The following ADAMTSL1 variants were observed in gnomAD, a reference collection of about 807,000 sequenced individuals.
The protein encoded by ADAMTSL1 is ADAMTS like 1.
ADAMTSL1 carries 126 observed loss-of-function variants against 201.8 expected under a neutral mutation model. The observed-to-expected ratio is 0.62, with a 90% confidence interval of 0.54 to 0.72. The LOEUF is 0.72. Ranked by LOEUF, ADAMTSL1 falls within the 30% of genes least tolerant of loss-of-function variation. The pLI, the probability that ADAMTSL1 is intolerant of heterozygous loss-of-function variation, is 0.00. For missense variants in ADAMTSL1, 2,679 were observed against 2,277.8 expected, an observed-to-expected ratio of 1.18 and a Z score of -3.59; for synonymous variants, 1,121 against 903.4, an observed-to-expected ratio of 1.24 and a Z score of -4.32.
chr9:18,793,652 A>T (rs1822189105), intron 19 of ADAMTSL1, among the ~76,000 whole-genome samples: 1 of 152,218 alleles, frequency 6.6e-6, no homozygotes, highest in Non-Finnish European at 1.5e-5. Context: ...TTAAAAAATC[A>T]CAAAGCTAGA....
intron 23 of ADAMTSL1, among the ~76,000 whole-genome samples, chr9:18,882,488 G>A (rs112073561): frequency 0.026 from 3,884 of 152,236 alleles, 116 homozygotes; most frequent in South Asian, 0.13. Context: ...AAAATGGAAC[G>A]AGCATTTTAC....
intron 2 of ADAMTSL1, among the ~76,000 whole-genome samples, chr9:18,377,902 C>T (rs1293026184): frequency 6.6e-6 from 1 of 151,930 alleles, no homozygotes; most frequent in African/African-American, 2.4e-5. Context: ...TTTGGAAAGG[C>T]CTAGTGGACA....
intron 1 of ADAMTSL1, among the ~76,000 whole-genome samples, chr9:18,054,884 C>T (rs1346764357): frequency 2.6e-5 from 4 of 152,168 alleles, no homozygotes; most frequent in East Asian, 1.9e-4. Context: ...CCCCTGCCCC[C>T]GCAATCTTTT....
At chr9:18,292,414 C>T (rs1282113195) in intron 2 of ADAMTSL1, among the ~76,000 whole-genome samples, 1 of 152,040 alleles carries the variant, frequency 6.6e-6, no homozygotes, top group Non-Finnish European at 1.5e-5. Flanking sequence ...GTGTTAGGGC[C>T]TGTGATGATT....
intron 2 of ADAMTSL1, among the ~76,000 whole-genome samples, chr9:18,250,799 A>G (rs542415336): frequency 6.6e-6 from 1 of 152,284 alleles, no homozygotes; most frequent in South Asian, 2.1e-4. Context: ...CTCATTCCTG[A>G]ATGAATTCCT....
intron 2 of ADAMTSL1, among the ~76,000 whole-genome samples, chr9:18,191,445 ACTTT>A (rs1274523490): frequency 6.6e-6 from 1 of 152,146 alleles, no homozygotes; most frequent in Non-Finnish European, 1.5e-5. Flanking sequence ...ACACTAAGCC[ACTTT>A]CTTCTTCAAT....
chr9:18,661,825 C>A, intron 8 of ADAMTSL1, 110 bp from the exon 9 acceptor site: 1 of 1,155,712 alleles, frequency 8.7e-7, no homozygotes, highest in Non-Finnish European at 1.2e-6. Context: ...CTGGAAATGA[C>A]TAAGGCATTG....
intron 3 of ADAMTSL1, among the ~76,000 whole-genome samples, chr9:18,564,581 A>C (rs1379632923): frequency 1.3e-5 from 2 of 152,192 alleles, no homozygotes; most frequent in Non-Finnish European, 2.9e-5. Flanking sequence ...AGTCCTTTTC[A>C]CAACCTGACT....
intron 19 of ADAMTSL1, among the ~76,000 whole-genome samples, chr9:18,786,181 C>T (rs1333591988): frequency 6.6e-6 from 1 of 152,198 alleles, no homozygotes; most frequent in Non-Finnish European, 1.5e-5. Context: ...GGTGATACTC[C>T]TACTAACATG....
intron 2 of ADAMTSL1, among the ~76,000 whole-genome samples, chr9:18,248,776 T>A (rs1831355975): frequency 6.6e-6 from 1 of 152,154 alleles, no homozygotes; most frequent in Non-Finnish European, 1.5e-5. Flanking sequence ...TCCGATTCAC[T>A]CTCTGACTGT....
At chr9:18,357,556 G>A (rs1836308061) in intron 2 of ADAMTSL1, among the ~76,000 whole-genome samples, 1 of 152,046 alleles carries the variant, frequency 6.6e-6, no homozygotes, top group African/African-American at 2.4e-5. Context: ...CTTAAGCATT[G>A]CTAGATTTTT....
intron 23 of ADAMTSL1, among the ~76,000 whole-genome samples, chr9:18,866,430 A>T (rs1215403505): frequency 1.3e-5 from 2 of 152,270 alleles, no homozygotes; most frequent in South Asian, 2.1e-4. Flanking sequence ...CTACGTATTT[A>T]GTTGAAAGCC....
intron 3 of ADAMTSL1, among the ~76,000 whole-genome samples, chr9:18,539,323 C>A (rs1476782374): frequency 6.6e-6 from 1 of 152,144 alleles, no homozygotes; most frequent in African/African-American, 2.4e-5. Flanking sequence ...AAGACAAATA[C>A]ACAAACACAA....
At chr9:18,146,446 CG>C (rs1234675760) in intron 1 of ADAMTSL1, among the ~76,000 whole-genome samples, 1 of 151,858 alleles carries the variant, frequency 6.6e-6, no homozygotes, top group African/African-American at 2.4e-5. Context: ...TACATATTGC[CG>C]AGAAAAAGAA....
chr9:18,222,387 A>G (rs537455213), intron 2 of ADAMTSL1, among the ~76,000 whole-genome samples: 1 of 151,748 alleles, frequency 6.6e-6, no homozygotes, highest in Non-Finnish European at 1.5e-5. Flanking sequence ...TGGAACTTCT[A>G]GTTTCTATTC....
intron 2 of ADAMTSL1, among the ~76,000 whole-genome samples, chr9:18,527,279 A>T (rs1039661615): frequency 1.3e-5 from 2 of 152,214 alleles, no homozygotes; most frequent in African/African-American, 4.8e-5. Context: ...GCAATCAGAG[A>T]TAAAGCCTGG....
chr9:18,263,671 G>C (rs139874981), intron 2 of ADAMTSL1, among the ~76,000 whole-genome samples: 62 of 152,316 alleles, frequency 4.1e-4, no homozygotes, highest in African/African-American at 1.5e-3. Context: ...TGTATTTGGA[G>C]ATGGACCCCC....
intron 2 of ADAMTSL1, among the ~76,000 whole-genome samples, chr9:18,401,878 G>A (rs1197572159): frequency 6.6e-6 from 1 of 152,050 alleles, no homozygotes; most frequent in African/African-American, 2.4e-5. Flanking sequence ...CACCTGCAAG[G>A]GTATGGGGGC....
At chr9:18,541,394 C>T (rs905088305) in intron 3 of ADAMTSL1, among the ~76,000 whole-genome samples, 2 of 151,960 alleles carry the variant, frequency 1.3e-5, no homozygotes, top group Admixed American at 1.3e-4. Context: ...CCTGTAATCC[C>T]AGCTACTCGG....
Sources: gnomAD v4.1 joint callset for allele counts (sites outside exome capture counted in the v4.1 genomes callset) on GRCh38, gnomAD v4.1.1 for gene constraint, MANE v1.5 for transcripts, NCBI Gene and HGNC (gene_info 2026-07-23, HGNC 2026-07-21) for gene names.